FAM107A: variants seen among roughly 807,000 people sequenced by gnomAD.
FAM107A encodes the protein family with sequence similarity 107 member A, also known as actin-associated protein FAM107A.
Under a neutral mutation model 13.7 loss-of-function variants are expected in FAM107A, and 19 were observed. The ratio of observed to expected loss-of-function variants is 1.38; its 90% confidence interval spans 0.97 to 2.03. The LOEUF (loss-of-function observed/expected upper bound fraction) is 2.03, where lower values mean the gene tolerates loss of function less well. FAM107A is among the 30% of genes most tolerant of loss of function. FAM107A has a pLI of 0.00. For missense variants in FAM107A, 203 were observed against 184.4 expected (o/e 1.10, Z -0.58); for synonymous variants, 82 against 74.5 (o/e 1.10, Z -0.52).
intron 3 of FAM107A, 21 bp from the exon 4 acceptor site, chr3:58,566,716 G>A (rs373278871): frequency 3.2e-6 from 5 of 1,573,454 alleles, no homozygotes; most frequent in Non-Finnish European, 2.6e-6. Context: ...GAGAAGCAGA[G>A]AGTGAAGTGG....
In FAM107A at chr3:58,617,102, G is replaced by A. The variant is rs35053870; in HGVS notation, c.-70+10314C>T. On this transcript the variant is annotated intron_variant, in intron 1 of 3. Coordinates refer to the FAM107A transcript ENST00000465970. This position sits in a 1 kb window ranked among gnomAD's most constrained non-coding sequence, Gnocchi z 4.5. ...TACCCAGTTTCTGATCGTTTGTTAT[G>A]GCCGCCCCAGGAAACTCCTGTGTCA... Among the ~76,000 whole-genome samples the A allele has an allele frequency of 0.096, 14,546 of 152,134 alleles. 880 individuals carry two copies. The highest frequency in any genetic ancestry group is 0.13 in the Non-Finnish European group (8,783 of 67,960).
intron 2 of FAM107A, among the ~76,000 whole-genome samples, chr3:58,567,955 C>T (rs1577018212): frequency 1.3e-5 from 2 of 152,070 alleles, no homozygotes; most frequent in South Asian, 4.1e-4. Context: ...ATTATTTTTA[C>T]AGACAAGGAC....
intron 1 of FAM107A, among the ~76,000 whole-genome samples, chr3:58,622,828 AC>A (rs2065969470): frequency 6.6e-6 from 1 of 152,106 alleles, no homozygotes; most frequent in African/African-American, 2.4e-5. Flanking sequence ...AGCTCCTGAC[AC>A]ATTTCTCCTC....
In FAM107A at chr3:58,617,929, G is replaced by A. The variant is rs2065918403; in HGVS notation, c.-70+9487C>T. 6.6e-6 allele frequency among the ~76,000 whole-genome samples: 1 copy of A among 152,216 alleles called. No homozygotes were observed. Among genetic ancestry groups the A allele is most frequent in the African/African-American group, 2.4e-5 (1 of 41,456 alleles). On this transcript the variant is annotated intron_variant, in intron 1 of 3. Transcript: ENST00000465970. The surrounding 1 kb of genome is among the most constrained non-coding windows in gnomAD (Gnocchi z 4.5). ...GAGAACGTGGGCTGTGGAGCCAGAA[G>A]TATCCAAGTTCAAGTCCCAGCTCTG... is the stretch of plus-strand genomic sequence containing the variant.
chr3:58,609,484 A>G (rs2065832324), intron 1 of FAM107A, among the ~76,000 whole-genome samples: 1 of 152,172 alleles, frequency 6.6e-6, no homozygotes, highest in African/African-American at 2.4e-5. Context: ...TCTTATACAC[A>G]TATGAAAAAA....
intron 3 of FAM107A, 41 bp from the exon 4 acceptor site, chr3:58,566,736 G>T: frequency 6.7e-7 from 1 of 1,490,718 alleles, no homozygotes; most frequent in Non-Finnish European, 9.3e-7. Flanking sequence ...GGTGGAGCTA[G>T]GGGGATTCCT....
At chr3:58,612,277 G>A (rs929928628) in intron 1 of FAM107A, among the ~76,000 whole-genome samples, 1 of 152,164 alleles carries the variant, frequency 6.6e-6, no homozygotes, top group Non-Finnish European at 1.5e-5. Flanking sequence ...GGAATGCTAT[G>A]TACCCATGAA....
chr3:58,581,188 A>C (rs12494210), upstream of FAM107A, among the ~76,000 whole-genome samples: 1 of 152,080 alleles, frequency 6.6e-6, no homozygotes, highest in Non-Finnish European at 1.5e-5. Context: ...CTGGGGCATC[A>C]AAGGGGGAAG....
intron 1 of FAM107A, among the ~76,000 whole-genome samples, chr3:58,619,618 C>T (rs2065934989): frequency 6.6e-6 from 1 of 152,212 alleles, no homozygotes; most frequent in African/African-American, 2.4e-5. Flanking sequence ...TTCAGTGCCC[C>T]AGGTCCTATC....
intron 1 of FAM107A, among the ~76,000 whole-genome samples, chr3:58,593,118 G>T (rs6788756): frequency 6.6e-6 from 1 of 152,016 alleles, no homozygotes; most frequent in Non-Finnish European, 1.5e-5. Flanking sequence ...TGGGTTCACC[G>T]TTCCAGAATA....
rs1159622631 is a variant in FAM107A at position 58,569,333 on chromosome 3, G to T, written c.170+358C>A. Among the ~76,000 whole-genome samples, 1 of 152,136 alleles carries T rather than the reference G, an allele frequency of 6.6e-6. No individual in the cohort carries two copies. The highest frequency in any genetic ancestry group is 1.5e-5 in the Non-Finnish European group (1 of 68,016). Reference sequence around the variant, plus strand: ...ATCAATGCACCCATCCTACTGCCTGGCTATGCACCCGTCCCTGTCTGTGAG... The same window carrying T: ...ATCAATGCACCCATCCTACTGCCTGTCTATGCACCCGTCCCTGTCTGTGAG... On this transcript the variant is annotated intron_variant, in intron 2 of 3. Transcript: ENST00000360997. The surrounding 1 kb of genome is among the most constrained non-coding windows in gnomAD (Gnocchi z 5.7).
exon 1 of FAM107A, chr3:58,587,003 CGGA>C: frequency 6.9e-7 from 1 of 1,443,462 alleles, no homozygotes; most frequent in South Asian, 1.4e-5. Flanking sequence ...GAGCGTAGTC[CGGA>C]GCCGAAGCGC....
In FAM107A at chr3:58,566,486, A is replaced by G. The variant is rs1577016478; in HGVS notation, c.*102T>C. The G allele has an allele frequency of 1.2e-6, 1 of 810,698 alleles. No individual in the cohort carries two copies. The highest frequency in any genetic ancestry group is 2.1e-6 in the Non-Finnish European group (1 of 485,350). The allele number at this position is 810,698 out of a possible 1,614,324, so 50.2% of individuals were successfully genotyped here. ...TTCTACAGAAGCAGGTGGGAACATC[A>G]CAGACGTCCCAGGGCCTGGGGCCCA... On this transcript the variant is annotated 3_prime_UTR_variant, in exon 4 of 4. Coordinates refer to ENST00000360997, the MANE Select transcript of FAM107A (RefSeq NM_001076778.3).
intron 1 of FAM107A, among the ~76,000 whole-genome samples, chr3:58,609,488 G>GA (rs1315898990): frequency 2.6e-5 from 4 of 152,090 alleles, no homozygotes; most frequent in African/African-American, 7.2e-5. Context: ...ATACACATAT[G>GA]AAAAAATGGC....
Position 58,593,651 on chromosome 3 carries a change from A to G in FAM107A, c.-69-4382T>C, listed in dbSNP as rs150279813. Among the ~76,000 whole-genome samples the G allele has an allele frequency of 1.1e-4, 16 of 151,052 alleles. No individual in the cohort carries two copies. The East Asian group carries it at 3.1e-3, about 29-fold the overall frequency. ...TCCAGTCGCTCCCTACCCTTCCCTA[A>G]TTACCTCTAACATACTATCAATCTC... On this transcript the variant is annotated intron_variant, in intron 1 of 3. Coordinates refer to the FAM107A transcript ENST00000465970.
At chr3:58,618,170 G>T (rs75194719) in intron 1 of FAM107A, among the ~76,000 whole-genome samples, 1 of 152,200 alleles carries the variant, frequency 6.6e-6, no homozygotes, top group South Asian at 2.1e-4. Flanking sequence ...GTAGGCCCAG[G>T]TTGGCTGTGT....
At chr3:58,585,094 G>T (rs1281859078) in intron 1 of FAM107A, among the ~76,000 whole-genome samples, 1 of 152,190 alleles carries the variant, frequency 6.6e-6, no homozygotes, top group African/African-American at 2.4e-5. Context: ...TCCCTTTTCC[G>T]AGGCCCCGCT....
At chr3:58,570,583 CAGAGAGAGAGAGAGAGAG>C (rs371909507) in intron 1 of FAM107A, among the ~76,000 whole-genome samples, 8,837 of 91,212 alleles carry the variant, frequency 0.097, 500 homozygotes, top group African/African-American at 0.13. Flanking sequence ...GCAAATACAG[CAGAGAGAGAGAGAGAGAG>C]AGAGAGAGAG....
chr3:58,567,070 C>G, intron 3 of FAM107A, 138 bp downstream of exon 3: 1 of 1,090,588 alleles, frequency 9.2e-7, no homozygotes, highest in Non-Finnish European at 1.4e-6. Context: ...AGGGAGGACT[C>G]AGGCCAGGAG....
Sources: allele counts gnomAD v4.1 joint callset (sites outside exome capture counted in the v4.1 genomes callset), GRCh38; gene constraint gnomAD v4.1.1; non-coding constraint Gnocchi (gnomAD v3.1); transcripts MANE v1.5; gene names NCBI Gene and HGNC (gene_info 2026-07-23, HGNC 2026-07-21).